The following NDUFA10 variants were observed in gnomAD, a reference collection of about 807,000 sequenced individuals.
NDUFA10 encodes NADH:ubiquinone oxidoreductase subunit A10, also known as NADH dehydrogenase [ubiquinone] 1 alpha subcomplex subunit 10, mitochondrial.
Under a neutral mutation model 47.8 loss-of-function variants are expected in NDUFA10, and 40 were observed. That is an observed-to-expected ratio of 0.84 (90% CI 0.65 to 1.09). NDUFA10 has a LOEUF of 1.09. Ranked by LOEUF, NDUFA10 falls within the 50% of genes least tolerant of loss-of-function variation. NDUFA10 has a pLI of 0.00. For synonymous variants in NDUFA10, 183 were observed against 172.2 expected, an observed-to-expected ratio of 1.06 and a Z score of -0.49; for missense variants, 413 against 451.1, an observed-to-expected ratio of 0.92 and a Z score of 0.76.
chr2:239,950,096 G>T (rs1170837039), intron 4 of NDUFA10, among the ~76,000 whole-genome samples: 1 of 152,172 alleles, frequency 6.6e-6, no homozygotes, highest in Non-Finnish European at 1.5e-5. Context: ...AATCTAGGGA[G>T]GGGGCACACC....
rs765520841 is a variant in NDUFA10, at chr2:239,906,729, C to G, written c.295-11415G>C. Among the ~76,000 whole-genome samples the G allele has an allele frequency of 1.4e-4, 21 of 152,110 alleles. No homozygotes were observed. Among genetic ancestry groups the G allele is most frequent in the Non-Finnish European group, 2.6e-4 (18 of 68,022 alleles). ...AGGTGTGCTGCCTCTTCAAGGAGTA[C>G]TACAAACCACCGCTCAATGAAATAA... On this transcript the variant is annotated intron_variant, in intron 4 of 5. Transcript: ENST00000419408. This position sits in a 1 kb window ranked among gnomAD's most constrained non-coding sequence, Gnocchi z 4.3.
intron 4 of NDUFA10, among the ~76,000 whole-genome samples, chr2:239,898,189 T>C (rs1390684651): frequency 1.3e-5 from 2 of 152,206 alleles, no homozygotes; most frequent in Non-Finnish European, 2.9e-5. Flanking sequence ...GCATTTCTCC[T>C]CCACTTCCCA....
chr2:240,015,817 A>T (rs2106490014), intron 4 of NDUFA10, among the ~76,000 whole-genome samples: 1 of 152,310 alleles, frequency 6.6e-6, no homozygotes, highest in East Asian at 1.9e-4. Flanking sequence ...TCCAGAAGTG[A>T]CAGATGGCCA....
rs573364390 is a variant in NDUFA10, at chr2:239,906,137, C to T, written c.295-10823G>A. 3.3e-5 allele frequency among the ~76,000 whole-genome samples: 5 copies of T among 152,094 alleles called. No individual in the cohort carries two copies. Among genetic ancestry groups the T allele is most frequent in the Non-Finnish European group, 5.9e-5 (4 of 68,004 alleles). ...GCTCATGACCTTCGGGGGCTCTGGGCGGGCCCTGCTCTGTGCCTAGATATT... is the reference window on the plus strand; with the variant it reads ...GCTCATGACCTTCGGGGGCTCTGGGTGGGCCCTGCTCTGTGCCTAGATATT... On this transcript the variant is annotated intron_variant, in intron 4 of 5. Transcript: ENST00000419408. This position sits in a 1 kb window ranked among gnomAD's most constrained non-coding sequence, Gnocchi z 4.3.
intron 4 of NDUFA10, among the ~76,000 whole-genome samples, chr2:239,942,281 A>C (rs1268869692): frequency 6.6e-6 from 1 of 152,238 alleles, no homozygotes; most frequent in Non-Finnish European, 1.5e-5. Flanking sequence ...TGCTAAACAC[A>C]GATGCTGCTG....
At chr2:239,930,351 C>A (rs1051622224) in intron 4 of NDUFA10, among the ~76,000 whole-genome samples, 7 of 152,108 alleles carry the variant, frequency 4.6e-5, no homozygotes, top group Non-Finnish European at 7.4e-5. Context: ...ACATCCCCTG[C>A]AAATTTCCTC....
Position 239,959,275 on chromosome 2 carries a change from C to T in NDUFA10, c.*1843G>A, listed in dbSNP as rs548811696. The T allele has an allele frequency of 3.0e-6, 3 of 985,486 alleles. No individual in the cohort carries two copies. The highest frequency in any genetic ancestry group is 2.4e-6 in the Non-Finnish European group (2 of 829,948). 61.0% of individuals were successfully genotyped at this position (985,486 alleles called of 1,614,324 possible). On this transcript the variant is annotated 3_prime_UTR_variant, in exon 10 of 10. Transcript: ENST00000252711. ...CCTGCATGGTTGGAGAGCTCTGCCC[C>T]TCACAAGGGCAATCCTGACCACAGG...
In NDUFA10 at chr2:239,961,147, C is replaced by T. The variant is rs1311767207; in HGVS notation, c.1039G>A (p.Val347Met). 2 of 1,614,196 alleles carry T rather than the reference C, an allele frequency of 1.2e-6. No individual in the cohort carries two copies. Among genetic ancestry groups the T allele is most frequent in the Non-Finnish European group, 8.5e-7 (1 of 1,180,030 alleles). Residue 347 changes from valine to methionine, a missense_variant, in exon 10 of 10, where the codon GTG becomes ATG. By Grantham distance (21) the Val-to-Met change is conservative. Coordinates refer to ENST00000252711, the MANE Select transcript of NDUFA10 (RefSeq NM_004544.4). ...RKYSPGYNTE[V>M]GDKWIWLK ...TTCAGCCAGATCCACTTGTCTCCCA[C>T]CTCGGTGTTGTACCCAGGGCTGTAC...
chr2:240,020,027 T>C (rs543465747), intron 3 of NDUFA10, among the ~76,000 whole-genome samples: 1 of 152,308 alleles, frequency 6.6e-6, no homozygotes, highest in East Asian at 1.9e-4. Flanking sequence ...ACTAATAAAA[T>C]GTTTTCAACT....
intron 8 of NDUFA10, among the ~76,000 whole-genome samples, chr2:239,999,350 C>A (rs1392240288): frequency 6.6e-6 from 1 of 152,238 alleles, no homozygotes; most frequent in East Asian, 1.9e-4. Context: ...TAGATCTCCT[C>A]TCTACCATTC....
chr2:240,017,318 ACAC>A (rs1353335395), intron 4 of NDUFA10, among the ~76,000 whole-genome samples: 1 of 151,974 alleles, frequency 6.6e-6, no homozygotes, highest in East Asian at 1.9e-4. Context: ...TCACTATAGG[ACAC>A]CACCACCAGC....
At chr2:240,011,532 C>T in intron 6 of NDUFA10, 85 bp downstream of exon 6, 1 of 1,057,660 alleles carries the variant, frequency 9.5e-7, no homozygotes, top group Non-Finnish European at 1.5e-6. Flanking sequence ...GTAAATAAGA[C>T]AGAAAACTCC....
chr2:240,018,340 A>C, intron 4 of NDUFA10: 2 of 1,404,212 alleles, frequency 1.4e-6, no homozygotes, highest in East Asian at 2.5e-5. Flanking sequence ...TTTCACAGGG[A>C]GACATGACAG....
rs373034894 is a variant in NDUFA10, at chr2:239,959,126, G to A, written c.*1992C>T. On this transcript the variant is annotated 3_prime_UTR_variant, in exon 10 of 10. Coordinates refer to ENST00000252711, the MANE Select transcript of NDUFA10 (RefSeq NM_004544.4). Reference sequence around the variant, plus strand: ...GAAAACACCAGAAAATCAAACAGACGAATGTCCTCAGCACTACAAATTACA... The same window carrying A: ...GAAAACACCAGAAAATCAAACAGACAAATGTCCTCAGCACTACAAATTACA... The A allele has an allele frequency of 2.1e-4, 206 of 985,364 alleles. 2 individuals carry two copies. The East Asian group carries it at 7.8e-3, about 37-fold the overall frequency. 61.0% of individuals were successfully genotyped at this position (985,364 alleles called of 1,614,324 possible).
chr2:240,016,065 T>C lies in NDUFA10; in HGVS notation c.548-1205A>G, dbSNP rs1697333593. On this transcript the variant is annotated intron_variant, in intron 4 of 9. Coordinates refer to ENST00000252711, the MANE Select transcript of NDUFA10 (RefSeq NM_004544.4). The surrounding 1 kb of genome is among the most constrained non-coding windows in gnomAD (Gnocchi z 4.4). ...ATAAATAAAAATTTTAAAAATTAAA[T>C]TAAAAAAAAAAGTTCCAGTGAGCAT... 6.6e-6 allele frequency among the ~76,000 whole-genome samples: 1 copy of C among 151,622 alleles called. No individual in the cohort carries two copies. The highest frequency in any genetic ancestry group is 2.1e-4 in the South Asian group (1 of 4,812).
intron 4 of NDUFA10, among the ~76,000 whole-genome samples, chr2:239,902,959 A>G (rs1693580100): frequency 6.6e-6 from 1 of 152,226 alleles, no homozygotes; most frequent in Non-Finnish European, 1.5e-5. Flanking sequence ...TTTGGGCTGC[A>G]GTTGGCCATT....
At chr2:239,989,378 G>A (rs1164209786) in intron 9 of NDUFA10, among the ~76,000 whole-genome samples, 2 of 152,338 alleles carry the variant, frequency 1.3e-5, no homozygotes, top group East Asian at 1.9e-4. Flanking sequence ...CATGTTGAAG[G>A]CATAGCTTGG....
At chr2:239,942,658 T>C (rs1023790500) in intron 4 of NDUFA10, among the ~76,000 whole-genome samples, 5 of 152,148 alleles carry the variant, frequency 3.3e-5, no homozygotes, top group African/African-American at 4.8e-5. Flanking sequence ...GTCCTCTGCC[T>C]TCCGCATGTT....
Position 239,987,266 on chromosome 2 carries a change from C to T in NDUFA10, c.999+2808G>A, listed in dbSNP as rs191818521. 1.4e-3 allele frequency among the ~76,000 whole-genome samples: 212 copies of T among 152,132 alleles called. No individual in the cohort carries two copies. Among genetic ancestry groups the T allele is most frequent in the Non-Finnish European group, 2.6e-3 (179 of 68,012 alleles). On this transcript the variant is annotated intron_variant, in intron 9 of 9. Transcript: ENST00000252711. The surrounding 1 kb of genome is among the most constrained non-coding windows in gnomAD (Gnocchi z 4.8). ...GCTGTCCTGGGGTTGTGGAGGAGAA[C>T]ACCCTTGTTTGTGAGAATTACACAT...
Sources: allele counts gnomAD v4.1 joint callset (sites outside exome capture counted in the v4.1 genomes callset), GRCh38; gene constraint gnomAD v4.1.1; non-coding constraint Gnocchi (gnomAD v3.1); transcripts MANE v1.5; gene names NCBI Gene and HGNC (gene_info 2026-07-23, HGNC 2026-07-21).